The following RHPN2 variants were observed in gnomAD, a reference collection of about 807,000 sequenced individuals.
The protein encoded by RHPN2 is rhophilin Rho GTPase binding protein 2.
Under a neutral mutation model 79.0 loss-of-function variants are expected in RHPN2, and 40 were observed. That is an observed-to-expected ratio of 0.51 (90% CI 0.39 to 0.66). RHPN2 has a LOEUF of 0.66. Among genes scored for constraint, RHPN2 ranks in the 30% least tolerant of loss-of-function variants. RHPN2 has a pLI of 0.00. For missense variants in RHPN2, 686 were observed against 883.5 expected (o/e 0.78, Z 2.83); for synonymous variants, 285 against 363.5 (o/e 0.78, Z 2.46).
rs1971794986 is a variant in RHPN2 at position 33,006,773 on chromosome 19, C to G, written c.760+1241G>C. ...CCCCAGTCCTCTATAGGTGTAAGCA[C>G]TAGGCTGCTTTTCTCCTCAACACCG... On this transcript the variant is annotated intron_variant, in intron 7 of 14. Coordinates refer to ENST00000254260, the MANE Select transcript of RHPN2 (RefSeq NM_033103.5). Among the ~76,000 whole-genome samples the G allele has an allele frequency of 2.0e-5, 3 of 152,348 alleles. No homozygotes were observed. In the South Asian group the frequency reaches 6.2e-4, roughly 32 times the overall value.
chr19:33,034,877 C>T (rs8107484), intron 2 of RHPN2, among the ~76,000 whole-genome samples: 80,612 of 151,544 alleles, frequency 0.53, 25,643 homozygotes, highest in African/African-American at 0.87. Context: ...GGCAGGAGGA[C>T]TGCTTGAGGC....
intron 1 of RHPN2, among the ~76,000 whole-genome samples, chr19:33,057,675 CAAAA>C (rs1387288106): frequency 1.5e-5 from 1 of 68,602 alleles, no homozygotes. Context: ...AACTCCATCT[CAAAA>C]AAAAAAAAAA....
At chr19:32,989,379 G>C (rs1201368763) in intron 14 of RHPN2, among the ~76,000 whole-genome samples, 1 of 152,148 alleles carries the variant, frequency 6.6e-6, no homozygotes, top group Non-Finnish European at 1.5e-5. Context: ...AAAGTACTCA[G>C]ATTACAGGCA....
At position 33,035,351 on chromosome 19, in the gene RHPN2, A is replaced by C. The variant is rs1972047773; in HGVS notation, c.186-8719T>G. 3.3e-5 allele frequency among the ~76,000 whole-genome samples: 5 copies of C among 151,422 alleles called. No homozygotes were observed. In the South Asian group the frequency reaches 1.0e-3, roughly 32 times the overall value. On this transcript the variant is annotated intron_variant, in intron 2 of 14. Transcript: ENST00000254260. ...TCCTGGCCTCAAGTGATTCTTGAGG[A>C]TCAGCCTCCCAAAGTGCTGGGATTA...
rs761330344 is a variant in RHPN2, at chr19:32,996,173, G to A, written c.1273C>T (p.Arg425Trp). 48 of 1,614,128 alleles carry A rather than the reference G, an allele frequency of 3.0e-5. 1 individual carries two copies. Among genetic ancestry groups the A allele is most frequent in the East Asian group, 1.1e-4 (5 of 44,868 alleles). Residue 425 changes from arginine to tryptophan, a missense_variant, in exon 11 of 15, where the codon CGG (arginine) becomes TGG (tryptophan). Arg to Trp is a moderately radical substitution (Grantham distance 101). Coordinates refer to ENST00000254260, the MANE Select transcript of RHPN2 (RefSeq NM_033103.5). ...AGCTTCTTGCAGAGGCTGGCCTCCC[G>A]CACCGACTCCTCGTGATGAGCCATG... Reference protein sequence around the residue: ...RAMAHHEESVREASLCKKLRS... With the variant: ...RAMAHHEESVWEASLCKKLRS...
chr19:33,008,580 G>C (rs1355123167), intron 6 of RHPN2, among the ~76,000 whole-genome samples: 1 of 152,048 alleles, frequency 6.6e-6, no homozygotes, highest in Non-Finnish European at 1.5e-5. Context: ...GACCAGCGTG[G>C]CCAACATGGT....
At position 33,007,994 on chromosome 19, in the gene RHPN2, C is replaced by A; in HGVS notation, c.760+20G>T. On this transcript the variant is annotated intron_variant, in intron 7 of 14. Transcript: ENST00000254260. ...GGGTGGGGCCAAGGCTCCGTCTGGT[C>A]AGCCCTGGAGGAGACATACCTGCGG... 6.2e-7 allele frequency: 1 copy of A among 1,611,690 alleles called. No individual in the cohort carries two copies. Among genetic ancestry groups the A allele is most frequent in the South Asian group, 1.1e-5 (1 of 90,966 alleles).
At chr19:32,982,198 A>C (rs1158215348) in intron 14 of RHPN2, among the ~76,000 whole-genome samples, 1 of 152,116 alleles carries the variant, frequency 6.6e-6, no homozygotes, top group African/African-American at 2.4e-5. Context: ...ACTTGAGGCC[A>C]GGAGTTCAAG....
At chr19:33,021,939 T>G (rs1971927620) in intron 3 of RHPN2, among the ~76,000 whole-genome samples, 1 of 151,508 alleles carries the variant, frequency 6.6e-6, no homozygotes. Flanking sequence ...TGGTTCCTTT[T>G]TTATTTTATT....
At chr19:33,036,452 G>T (rs1178815930) in intron 2 of RHPN2, among the ~76,000 whole-genome samples, 1 of 152,210 alleles carries the variant, frequency 6.6e-6, no homozygotes, top group East Asian at 1.9e-4. Flanking sequence ...TCTGCAGTGG[G>T]CTAGTGAGAG....
intron 1 of RHPN2, 29 bp downstream of exon 1, chr19:33,064,755 T>TGGCCCCCCC: frequency 7.7e-6 from 11 of 1,427,938 alleles, no homozygotes; most frequent in African/African-American, 1.5e-5. Flanking sequence ...AGCCCGCAGG[T>TGGCCCCCCC]CCCCGCCCGC....
Position 32,999,617 on chromosome 19 carries a change from T to C in RHPN2, c.1194A>G (p.Thr398=). 2 of 1,612,956 alleles carry C rather than the reference T, an allele frequency of 1.2e-6. No homozygotes were observed. The highest frequency in any genetic ancestry group is 1.1e-5 in the South Asian group (1 of 91,038). ...GTCGGCGCTGCTGATCATTCTTCAG[T>C]GTGGCCAAGGGTGTCAGCCCCTCTG... is the stretch of plus-strand genomic sequence containing the variant. ...HMPEGLTPLA[T]LKNDQQRRQL... The change falls in exon 10 of 15, where the codon ACA becomes ACG. Residue 398 remains threonine, a synonymous_variant. Coordinates refer to ENST00000254260, the MANE Select transcript of RHPN2 (RefSeq NM_033103.5).
At chr19:33,029,689 G>A (rs1971995928) in intron 2 of RHPN2, among the ~76,000 whole-genome samples, 1 of 152,136 alleles carries the variant, frequency 6.6e-6, no homozygotes. Flanking sequence ...CCATAGGTAC[G>A]TCAGGGTCCC....
At chr19:32,991,013 T>TAAAAAAAA (rs1212027711) in intron 13 of RHPN2, among the ~76,000 whole-genome samples, 1 of 109,216 alleles carries the variant, frequency 9.2e-6, no homozygotes, top group Non-Finnish European at 2.0e-5. Flanking sequence ...TGGGTGCAAT[T>TAAAAAAAA]AAAAAAAAAA....
At chr19:33,010,166 G>A (rs946453037) in intron 6 of RHPN2, among the ~76,000 whole-genome samples, 6 of 152,042 alleles carry the variant, frequency 3.9e-5, no homozygotes, top group African/African-American at 2.4e-5. Flanking sequence ...ACCACCTTTC[G>A]CCTTTTCGGC....
intron 7 of RHPN2, among the ~76,000 whole-genome samples, chr19:33,005,650 C>A (rs967157440): frequency 1.3e-5 from 2 of 149,494 alleles, no homozygotes; most frequent in Non-Finnish European, 3.0e-5. Context: ...AGGGATGGCA[C>A]CTGCTGTTTT....
At position 32,981,381 on chromosome 19, in the gene RHPN2, C is replaced by T. The variant is rs1382922400; in HGVS notation, c.1801-1125G>A. Among the ~76,000 whole-genome samples the T allele has an allele frequency of 3.5e-5, 4 of 114,466 alleles. No individual in the cohort carries two copies. The Admixed American group carries it at 4.0e-4, about 11-fold the overall frequency. The allele number at this position is 114,466 out of a possible 152,430, so 75.1% of individuals were successfully genotyped here. ...TTGTGCCACTGCACTCCAGCCTGGGCGACAGAGTGAGACCTCTGTCTCAAA... is the reference window on the plus strand; with the variant it reads ...TTGTGCCACTGCACTCCAGCCTGGGTGACAGAGTGAGACCTCTGTCTCAAA... On this transcript the variant is annotated intron_variant, in intron 14 of 14. Coordinates refer to ENST00000254260, the MANE Select transcript of RHPN2 (RefSeq NM_033103.5).
At chr19:32,982,955 T>C (rs1341487454) in intron 14 of RHPN2, among the ~76,000 whole-genome samples, 1 of 151,830 alleles carries the variant, frequency 6.6e-6, no homozygotes, top group East Asian at 1.9e-4. Context: ...CTGACATCCC[T>C]GCCGTATACT....
intron 2 of RHPN2, among the ~76,000 whole-genome samples, chr19:33,040,122 C>G (rs548189871): frequency 1.3e-5 from 2 of 152,262 alleles, no homozygotes; most frequent in Admixed American, 1.3e-4. Flanking sequence ...AGCCCAACAA[C>G]TCTCAGCACA....
Sources: gnomAD v4.1 joint callset for allele counts (sites outside exome capture counted in the v4.1 genomes callset) on GRCh38, gnomAD v4.1.1 for gene constraint, MANE v1.5 for transcripts, NCBI Gene and HGNC (gene_info 2026-07-23, HGNC 2026-07-21) for gene names.